HTT: variants seen among roughly 807,000 people sequenced by gnomAD.
HTT encodes the protein huntingtin.
HTT carries 104 observed loss-of-function variants against 362.3 expected under a neutral mutation model. The ratio of observed to expected loss-of-function variants is 0.29; its 90% CI spans 0.24 to 0.34. The LOEUF is 0.34. Among genes scored for constraint, HTT ranks in the 10% least tolerant of loss-of-function variants. The probability of loss-of-function intolerance (pLI) is 1.00; values close to 1 mark genes in which losing one functional copy is unlikely to be tolerated. For synonymous variants in HTT, 1,577 were observed against 1,548.7 expected (o/e 1.02, Z -0.43); for missense variants, 3,301 against 3,928.6 (o/e 0.84, Z 4.27).
chr4:3,199,756 C>G lies in HTT; in HGVS notation c.5393C>G (p.Ala1798Gly). The stretch of plus-strand genomic sequence containing the variant: ...GGAATGTTCCGGAGAATCACAGCAG[C>G]TGCCACTAGGCTGTTCCGCAGTGAT... Reference protein sequence around the residue: ...KSGMFRRITAAATRLFRSDGC... With the variant: ...KSGMFRRITAGATRLFRSDGC... Residue 1798 changes from alanine to glycine, a missense_variant, in exon 41 of 67, where the codon GCT (alanine) becomes GGT (glycine). Around this residue, in one of 4 missense-constraint regions of HTT, gnomAD observed 2,316 missense variants for 2,658.5 expected, o/e 0.87. Transcript: ENST00000355072. The G allele has an allele frequency of 6.2e-7, 1 of 1,614,112 alleles. No individual in the cohort carries two copies. The highest frequency in any genetic ancestry group is 8.5e-7 in the Non-Finnish European group (1 of 1,180,020).
intron 37 of HTT, 81 bp downstream of exon 37, chr4:3,182,551 G>T (rs554051804): frequency 4.5e-4 from 380 of 844,866 alleles, no homozygotes; most frequent in Middle Eastern, 3.6e-3. Context: ...GCTGGAATCA[G>T]CTCTTCCTTC....
chr4:3,088,598 T>G (rs10034313), intron 2 of HTT, among the ~76,000 whole-genome samples: 3,100 of 152,262 alleles, frequency 0.02, 55 homozygotes, highest in Middle Eastern at 0.034. Flanking sequence ...ACTTCATAAG[T>G]TTTTCTTCTG....
chr4:3,215,238 T>C, intron 51 of HTT, 27 bp downstream of exon 51: 2 of 1,548,140 alleles, frequency 1.3e-6, no homozygotes, highest in Non-Finnish European at 1.8e-6. Context: ...ATTTTTTTCT[T>C]ACATGTTGTT....
intron 18 of HTT, among the ~76,000 whole-genome samples, chr4:3,134,114 A>G (rs56121433): frequency 1.1e-4 from 16 of 152,266 alleles, no homozygotes; most frequent in Non-Finnish European, 1.8e-4. Flanking sequence ...GTAACTGATC[A>G]ATGTTTGTGA....
chr4:3,097,439 C>T (rs574333784), intron 2 of HTT, among the ~76,000 whole-genome samples: 68 of 152,112 alleles, frequency 4.5e-4, no homozygotes, highest in Non-Finnish European at 8.7e-4. Context: ...TGGGACCAGC[C>T]TGGCCAACAT....
intron 31 of HTT, among the ~76,000 whole-genome samples, chr4:3,173,821 A>G (rs1003794033): frequency 6.6e-6 from 1 of 152,064 alleles, no homozygotes; most frequent in African/African-American, 2.4e-5. Flanking sequence ...GGCGCCTGCC[A>G]TCACGCCTGG....
intron 1 of HTT, among the ~76,000 whole-genome samples, chr4:3,080,842 G>A (rs1712858819): frequency 6.6e-6 from 1 of 152,224 alleles, no homozygotes; most frequent in Admixed American, 6.5e-5. Flanking sequence ...GTTTGTTGAA[G>A]AGACTATTCT....
At chr4:3,156,008 T>C (rs1008112553) in intron 27 of HTT, among the ~76,000 whole-genome samples, 1 of 152,214 alleles carries the variant, frequency 6.6e-6, no homozygotes, top group Non-Finnish European at 1.5e-5. Context: ...ATCTACTCTT[T>C]CAGTGATTTT....
chr4:3,108,044 C>G (rs1364103225), intron 6 of HTT, among the ~76,000 whole-genome samples: 1 of 152,178 alleles, frequency 6.6e-6, no homozygotes, highest in Non-Finnish European at 1.5e-5. Flanking sequence ...ATTCTGTCCT[C>G]TTTACTAGTT....
intron 24 of HTT, among the ~76,000 whole-genome samples, chr4:3,145,480 G>A (rs1230530868): frequency 6.6e-6 from 1 of 152,120 alleles, no homozygotes; most frequent in Non-Finnish European, 1.5e-5. Flanking sequence ...TCATTTAAGG[G>A]AATTTTCATA....
At chr4:3,193,544 A>G (rs1327170882) in intron 40 of HTT, among the ~76,000 whole-genome samples, 2 of 152,170 alleles carry the variant, frequency 1.3e-5, no homozygotes, top group African/African-American at 2.4e-5. Context: ...GTGCAGCTCA[A>G]ATGTGGTCAC....
At chr4:3,137,505 C>T (rs1460497061) in intron 21 of HTT, among the ~76,000 whole-genome samples, 1 of 152,088 alleles carries the variant, frequency 6.6e-6, no homozygotes, top group Non-Finnish European at 1.5e-5. Flanking sequence ...TCGAGACCAG[C>T]CTGGCCAACA....
At chr4:3,176,058 C>G (rs1038736089) in intron 33 of HTT, among the ~76,000 whole-genome samples, 24 of 142,568 alleles carry the variant, frequency 1.7e-4, no homozygotes, top group African/African-American at 6.6e-4. Flanking sequence ...GATGGAGTCT[C>G]GCTCTGTCAC....
chr4:3,133,757 C>T (rs1201795540), intron 18 of HTT, among the ~76,000 whole-genome samples: 1 of 152,158 alleles, frequency 6.6e-6, no homozygotes, highest in East Asian at 1.9e-4. Context: ...CTACAATTGT[C>T]AAATTTGTGG....
chr4:3,136,666 CTA>C (rs887873305), intron 21 of HTT, among the ~76,000 whole-genome samples: 28 of 151,924 alleles, frequency 1.8e-4, no homozygotes, highest in East Asian at 1.4e-3. Context: ...GCTATATACT[CTA>C]TGAGTTTCTT....
chr4:3,228,961 C>T lies in HTT; in HGVS notation c.8061C>T (p.Ser2687=). ...ACAGCCGCTGGATCCTGCCGTCCAG[C>T]TCAGCCAGGAGGACCCCGGCCATCC... is the stretch of plus-strand genomic sequence containing the variant. ...ELYSRWILPS[S]SARRTPAILI... is the part of the protein sequence containing the mutation. Residue 2687 remains serine, a synonymous_variant, in exon 59 of 67, where the codon AGC becomes AGT. Transcript: ENST00000355072. The surrounding 1 kb of genome is among the most constrained non-coding windows in gnomAD (Gnocchi z 4.3). The T allele has an allele frequency of 1.2e-6, 2 of 1,613,750 alleles. No homozygotes were observed. Among genetic ancestry groups the T allele is most frequent in the Non-Finnish European group, 1.7e-6 (2 of 1,179,772 alleles).
At chr4:3,167,583 CCTT>C (rs1717778564) in intron 29 of HTT, among the ~76,000 whole-genome samples, 1 of 151,334 alleles carries the variant, frequency 6.6e-6, no homozygotes, top group African/African-American at 2.4e-5. Context: ...TTTTTTTTAA[CCTT>C]ATTATTATGA....
rs113000493 is a variant in HTT at position 3,140,689 on chromosome 4, G to A, written c.2945+33G>A. On this transcript the variant is annotated intron_variant, in intron 22 of 66. Coordinates refer to ENST00000355072, the MANE Select transcript of HTT (RefSeq NM_001388492.1). The stretch of plus-strand genomic sequence containing the variant: ...GACCCAGTGGCATCTTCACATTGTC[G>A]GGAAAATGCCCTTTCCTGATGCCTT... The A allele has an allele frequency of 3.8e-4, 614 of 1,600,694 alleles. 4 individuals carry two copies. The African/African-American group carries it at 6.9e-3, about 18-fold the overall frequency.
At chr4:3,224,998 A>G (rs947677210) in intron 56 of HTT, among the ~76,000 whole-genome samples, 3 of 152,108 alleles carry the variant, frequency 2.0e-5, no homozygotes, top group African/African-American at 4.8e-5. Context: ...AAGGGGAGCA[A>G]GTGCTTCCAG....
Sources: gnomAD v4.1 joint callset for allele counts (sites outside exome capture counted in the v4.1 genomes callset) on GRCh38, gnomAD v4.1.1 for gene constraint, gnomAD v4.1.1 regional missense constraint, Gnocchi (gnomAD v3.1) non-coding constraint, MANE v1.5 for transcripts, NCBI Gene and HGNC (gene_info 2026-07-23, HGNC 2026-07-21) for gene names.